RAB4A: variants seen among roughly 807,000 people sequenced by gnomAD.
The protein encoded by RAB4A is RAB4A, member RAS oncogene family.
RAB4A carries 20 observed loss-of-function variants against 34.5 expected under a neutral mutation model. The observed-to-expected ratio is 0.58, with a 90% CI of 0.41 to 0.84. The LOEUF is 0.84. Ranked by LOEUF, RAB4A falls within the 40% of genes least tolerant of loss-of-function variation. The pLI, the probability that RAB4A is intolerant of heterozygous loss-of-function variation, is 0.00. For missense variants in RAB4A, 228 were observed against 274.5 expected, an observed-to-expected ratio of 0.83 and a Z score of 1.20; for synonymous variants, 102 against 100.0, an observed-to-expected ratio of 1.02 and a Z score of -0.12.
At chr1:229,278,546 A>C (rs994024877) in intron 1 of RAB4A, among the ~76,000 whole-genome samples, 14 of 152,002 alleles carry the variant, frequency 9.2e-5, no homozygotes, top group African/African-American at 3.4e-4. Context: ...CTCATCCTTA[A>C]CCCTTTCCAT....
At chr1:229,273,074 T>A (rs572357368) in intron 1 of RAB4A, among the ~76,000 whole-genome samples, 36 of 152,358 alleles carry the variant, frequency 2.4e-4, no homozygotes, top group African/African-American at 8.7e-4. Context: ...AGCCCAGGCT[T>A]AGTTTCTTTA....
Position 229,297,599 on chromosome 1 carries a change from T to G in RAB4A, c.408T>G (p.Val136=). ...NKKDLDADRE[V]TFLEASRFAQ... ...AGGACCTGGATGCAGATCGTGAAGT[T>G]ACCTTCTTAGAAGCCTCCAGATTTG... Residue 136 remains valine (V), a synonymous_variant, in exon 5 of 8, where the codon GTT becomes GTG. Coordinates refer to ENST00000366690, the MANE Select transcript of RAB4A (RefSeq NM_004578.4). The G allele has an allele frequency of 6.2e-7, 1 of 1,611,052 alleles. No homozygotes were observed. The highest frequency in any genetic ancestry group is 8.5e-7 in the Non-Finnish European group (1 of 1,179,400).
At chr1:229,295,125 A>C (rs965761749) in intron 3 of RAB4A, among the ~76,000 whole-genome samples, 2 of 151,758 alleles carry the variant, frequency 1.3e-5, no homozygotes, top group African/African-American at 4.8e-5. Context: ...ATACCTGGCT[A>C]ATTTTTTGTA....
At chr1:229,276,364 G>GA (rs1275612528) in intron 1 of RAB4A, among the ~76,000 whole-genome samples, 4 of 151,122 alleles carry the variant, frequency 2.6e-5, no homozygotes, top group African/African-American at 7.4e-5. Flanking sequence ...ATGGTTTTTT[G>GA]AAAAAACAAA....
In RAB4A at chr1:229,302,284, TATATATATATATA is replaced by T. The variant is rs1657414643; in HGVS notation, c.542-577_542-565del. Among the ~76,000 whole-genome samples, 11 of 20,910 alleles carry T rather than the reference TATATATATATATA, an allele frequency of 5.3e-4. 1 individual carries two copies. Among genetic ancestry groups the T allele is most frequent in the South Asian group, 3.6e-3 (3 of 828 alleles). 13.7% of individuals were successfully genotyped at this position (20,910 alleles called of 152,430 possible). On this transcript the variant is annotated intron_variant, in intron 6 of 7. Transcript: ENST00000366690. ...ATATATATATATATATATATATATATATATATATATATATATATATATATATTTTTTTTTTTTT... is the reference window on the plus strand; with the variant it reads ...ATATATATATATATATATATATATATTATATATATATATTTTTTTTTTTTT...
rs1039086170 is a variant in RAB4A at position 229,304,819 on chromosome 1, A to G, written c.*1026A>G. 5 of 160,694 alleles carry G rather than the reference A, an allele frequency of 3.1e-5. No homozygotes were observed. The highest frequency in any genetic ancestry group is 6.8e-5 in the Non-Finnish European group (5 of 74,008). The allele number at this position is 160,694 out of a possible 1,614,324, so 10.0% of individuals were successfully genotyped here. On this transcript the variant is annotated 3_prime_UTR_variant, in exon 8 of 8. Transcript: ENST00000366690. ...CTGCTGAATACTTAAATGCCTTACTACAGTTATCCAGTTGACATGTTTTTA... is the reference window on the plus strand; with the variant it reads ...CTGCTGAATACTTAAATGCCTTACTGCAGTTATCCAGTTGACATGTTTTTA...
At chr1:229,277,908 A>G (rs1000692419) in intron 1 of RAB4A, among the ~76,000 whole-genome samples, 2 of 151,220 alleles carry the variant, frequency 1.3e-5, no homozygotes, top group Non-Finnish European at 2.9e-5. Context: ...TCTGTTGCCC[A>G]GTCTGGAGTG....
Position 229,288,749 on chromosome 1 carries a change from A to G in RAB4A, c.133A>G (p.Thr45Ala), listed in dbSNP as rs1161134692. The change falls in exon 3 of 8, where the codon ACA (threonine) becomes GCA (alanine). Residue 45 changes from threonine (T) to alanine (A), a missense_variant. By Grantham distance (58) the Thr-to-Ala change is moderately conservative (BLOSUM62 0). Coordinates refer to ENST00000366690, the MANE Select transcript of RAB4A (RefSeq NM_004578.4). ...EKKFKDDSNH[T>A]IGVEFGSKII... Reference sequence around the variant, plus strand: ...TTTAGTCAAAGATGACTCAAATCATACAATAGGAGTGGAATTTGGTTCAAA... The same window carrying G: ...TTTAGTCAAAGATGACTCAAATCATGCAATAGGAGTGGAATTTGGTTCAAA... The G allele has an allele frequency of 2.6e-6, 4 of 1,562,430 alleles. No individual in the cohort carries two copies. Among genetic ancestry groups the G allele is most frequent in the Admixed American group, 1.7e-5 (1 of 57,648 alleles).
intron 3 of RAB4A, among the ~76,000 whole-genome samples, chr1:229,295,054 G>A (rs1571833380): frequency 2.0e-5 from 3 of 151,528 alleles, no homozygotes; most frequent in East Asian, 1.9e-4. Context: ...CAAATTCCTG[G>A]GATCAAACAG....
At chr1:229,277,820 T>C (rs1339937175) in intron 1 of RAB4A, among the ~76,000 whole-genome samples, 1 of 151,348 alleles carries the variant, frequency 6.6e-6, no homozygotes, top group Non-Finnish European at 1.5e-5. Flanking sequence ...TCCAACTCCA[T>C]CCAGTCTTCA....
rs369658163 is a variant in RAB4A at position 229,305,369 on chromosome 1, T to G, written c.*1576T>G. The G allele has an allele frequency of 1.2e-5, 15 of 1,281,168 alleles. No individual in the cohort carries two copies. In the African/African-American group the frequency reaches 1.9e-4, roughly 16 times the overall value. The allele number at this position is 1,281,168 out of a possible 1,614,324, so 79.4% of individuals were successfully genotyped here. On this transcript the variant is annotated 3_prime_UTR_variant, in exon 8 of 8. Transcript: ENST00000366690. ...ATAGGAGCATGTCTATTCTAACACA[T>G]CAGCTTATTCAAAAGCAAGAATTTT...
At chr1:229,284,049 A>G (rs887790666) in intron 1 of RAB4A, among the ~76,000 whole-genome samples, 1 of 126,886 alleles carries the variant, frequency 7.9e-6, no homozygotes, top group Non-Finnish European at 1.7e-5. Context: ...AGAGTCTTTG[A>G]TATTTCTTTT....
At chr1:229,294,992 T>TC (rs1319150890) in intron 3 of RAB4A, among the ~76,000 whole-genome samples, 4 of 151,786 alleles carry the variant, frequency 2.6e-5, no homozygotes, top group Non-Finnish European at 4.4e-5. Flanking sequence ...TTTTTTTTTT[T>TC]CTTTCTGTTG....
At chr1:229,297,048 G>C (rs1375798844) in intron 4 of RAB4A, among the ~76,000 whole-genome samples, 1 of 152,188 alleles carries the variant, frequency 6.6e-6, no homozygotes, top group African/African-American at 2.4e-5. Context: ...GGCAGTCTGT[G>C]TCATGGAATC....
intron 2 of RAB4A, among the ~76,000 whole-genome samples, chr1:229,288,284 A>G (rs889937901): frequency 6.6e-6 from 1 of 151,318 alleles, no homozygotes; most frequent in Non-Finnish European, 1.5e-5. Flanking sequence ...ACTCACTGTT[A>G]TTTCTTTAAA....
At chr1:229,276,441 T>A (rs1321414180) in intron 1 of RAB4A, among the ~76,000 whole-genome samples, 1 of 151,564 alleles carries the variant, frequency 6.6e-6, no homozygotes, top group Non-Finnish European at 1.5e-5. Flanking sequence ...TTACTGCTGA[T>A]GCTCTGATGA....
At chr1:229,280,865 A>G (rs954600506) in intron 1 of RAB4A, among the ~76,000 whole-genome samples, 2 of 152,200 alleles carry the variant, frequency 1.3e-5, no homozygotes, top group African/African-American at 2.4e-5. Context: ...TATTATATAA[A>G]TGGAATCTTG....
chr1:229,296,373 G>A (rs999543366), intron 4 of RAB4A, among the ~76,000 whole-genome samples: 3 of 152,208 alleles, frequency 2.0e-5, no homozygotes, highest in Non-Finnish European at 4.4e-5. Context: ...TTGTCTGTAA[G>A]ATGGAGATAG....
rs1293866486 is a variant in RAB4A at position 229,281,845 on chromosome 1, T to TATATCA, written c.32-4639_32-4638insATCAAT. 4.6e-3 allele frequency among the ~76,000 whole-genome samples: 631 copies of TATATCA among 135,960 alleles called. 6 individuals are homozygous for TATATCA. Among genetic ancestry groups the TATATCA allele is most frequent in the Middle Eastern group, 0.02 (5 of 252 alleles). 89.2% of individuals were successfully genotyped at this position (135,960 alleles called of 152,430 possible). A position where few individuals can be genotyped will look rare whatever the true frequency, so the allele number is the denominator to read the frequency against. On this transcript the variant is annotated intron_variant, in intron 1 of 7. Transcript: ENST00000366690. ...ATATATATATATATATATATATATA[T>TATATCA]ATCATAGTTTACTGTTGTCATCTTT...
Sources: allele counts gnomAD v4.1 joint callset (sites outside exome capture counted in the v4.1 genomes callset), GRCh38; gene constraint gnomAD v4.1.1; transcripts MANE v1.5; gene names NCBI Gene and HGNC (gene_info 2026-07-23, HGNC 2026-07-21).